The following RBFOX1 variants were observed in gnomAD, a reference collection of about 807,000 sequenced individuals.
The protein encoded by RBFOX1 is RNA binding fox-1 homolog 1, also known as RNA binding protein fox-1 homolog 1.
RBFOX1 carries 8 observed loss-of-function variants against 57.7 expected under a neutral mutation model. That is an observed-to-expected ratio of 0.14 (90% CI 0.08 to 0.25). The LOEUF is 0.25. Among genes scored for constraint, RBFOX1 ranks in the 10% least tolerant of loss-of-function variants. RBFOX1 has a pLI of 1.00. For synonymous variants in RBFOX1, 326 were observed against 222.4 expected (o/e 1.47, Z -4.15); for missense variants, 611 against 548.5 (o/e 1.11, Z -1.14).
At chr16:6,989,102 G>T (rs1027401880) in intron 3 of RBFOX1, among the ~76,000 whole-genome samples, 3 of 152,034 alleles carry the variant, frequency 2.0e-5, no homozygotes, top group African/African-American at 7.2e-5. Context: ...TCGCCATGTT[G>T]GGCAGGTTGG....
At chr16:5,562,490 A>C (rs1185457121) in intron 2 of RBFOX1, among the ~76,000 whole-genome samples, 1 of 145,668 alleles carries the variant, frequency 6.9e-6, no homozygotes, top group Non-Finnish European at 1.5e-5. Context: ...CTCCAGGGCC[A>C]GGAGGAGAAG....
At chr16:7,152,037 T>C (rs1019417712) in intron 4 of RBFOX1, among the ~76,000 whole-genome samples, 6 of 152,202 alleles carry the variant, frequency 3.9e-5, no homozygotes, top group Admixed American at 3.9e-4. Flanking sequence ...CTGAGGTTTA[T>C]GGACCCCTGC....
chr16:7,662,048 T>C lies in RBFOX1; in HGVS notation c.891-2881T>C, dbSNP rs534606779. ...CTTAATGAAAGAAGGGATCAGTTTC[T>C]TGGCCAGAGCTCAGCCTCAGCCATA... On this transcript the variant is annotated intron_variant, in intron 12 of 15. Coordinates refer to ENST00000550418, the MANE Select transcript of RBFOX1 (RefSeq NM_018723.4). 2.2e-4 allele frequency among the ~76,000 whole-genome samples: 33 copies of C among 152,270 alleles called. No homozygotes were observed. The South Asian group carries it at 6.0e-3, about 28-fold the overall frequency.
intron 4 of RBFOX1, among the ~76,000 whole-genome samples, chr16:5,987,216 G>T (rs2152315903): frequency 6.6e-6 from 1 of 152,090 alleles, no homozygotes; most frequent in East Asian, 1.9e-4. Flanking sequence ...CTGTCTAATT[G>T]GATTGGTTTT....
intron 3 of RBFOX1, among the ~76,000 whole-genome samples, chr16:6,724,123 A>G (rs1298701762): frequency 6.6e-6 from 1 of 151,982 alleles, no homozygotes; most frequent in African/African-American, 2.4e-5. Context: ...GACTTCATGA[A>G]TGGGATTAGT....
chr16:6,881,697 T>C lies in RBFOX1; in HGVS notation c.-15-170360T>C, dbSNP rs1483831815. ...GTTGGCAGTTAAGACTTCAACGTCTTAACGTTGAATTTGCGGGGACAATTT... is the reference window on the plus strand; with the variant it reads ...GTTGGCAGTTAAGACTTCAACGTCTCAACGTTGAATTTGCGGGGACAATTT... On this transcript the variant is annotated intron_variant, in intron 3 of 15. Transcript: ENST00000550418. Among the ~76,000 whole-genome samples the C allele has an allele frequency of 3.3e-5, 5 of 152,172 alleles. No homozygotes were observed. In the East Asian group the frequency reaches 9.6e-4, roughly 29 times the overall value.
At position 5,359,394 on chromosome 16, in the gene RBFOX1, G is replaced by C. The variant is rs552219295; in HGVS notation, c.220-107822G>C. On this transcript the variant is annotated intron_variant, in intron 1 of 2. Coordinates refer to the RBFOX1 transcript ENST00000585867. ...TAGTTTTCTGAGGAGCCTCCAAACTGTTCTCCTCAGTGGTTTTCTAATTTA... is the reference window on the plus strand; with the variant it reads ...TAGTTTTCTGAGGAGCCTCCAAACTCTTCTCCTCAGTGGTTTTCTAATTTA... Among the ~76,000 whole-genome samples, 68 of 152,324 alleles carry C rather than the reference G, an allele frequency of 4.5e-4. 1 individual carries two copies. The South Asian group carries it at 7.5e-3, about 17-fold the overall frequency.
At chr16:6,379,342 C>G (rs374422073) in intron 2 of RBFOX1, among the ~76,000 whole-genome samples, 2 of 152,100 alleles carry the variant, frequency 1.3e-5, no homozygotes, top group African/African-American at 4.8e-5. Context: ...AGGATGGCCA[C>G]ACATCCCAGT....
At chr16:5,941,099 C>G (rs999868015) in intron 4 of RBFOX1, among the ~76,000 whole-genome samples, 12 of 151,768 alleles carry the variant, frequency 7.9e-5, no homozygotes, top group Non-Finnish European at 1.5e-5. Context: ...ACACCCATCC[C>G]CAGTAAAGTA....
chr16:7,407,373 G>GGT (rs77358035), intron 4 of RBFOX1, among the ~76,000 whole-genome samples: 2,651 of 149,606 alleles, frequency 0.018, 36 homozygotes, highest in African/African-American at 0.031. Flanking sequence ...GATTTGTATG[G>GGT]GTGTGTGTGT....
chr16:7,455,995 C>T (rs996451236), intron 4 of RBFOX1, among the ~76,000 whole-genome samples: 1 of 151,966 alleles, frequency 6.6e-6, no homozygotes, highest in African/African-American at 2.4e-5. Flanking sequence ...AGGGCAGGGC[C>T]AGCTTTAAGG....
intron 1 of RBFOX1, chr16:5,366,316 A>ATGATGATGATTT: frequency 2.8e-6 from 1 of 361,818 alleles, no homozygotes; most frequent in East Asian, 7.2e-5. Flanking sequence ...GATGAAGATG[A>ATGATGATGATTT]TGATGATGAT....
chr16:5,439,794 G>A (rs572283209), intron 1 of RBFOX1, among the ~76,000 whole-genome samples: 1 of 152,232 alleles, frequency 6.6e-6, no homozygotes, highest in East Asian at 1.9e-4. Context: ...GGAGGCCTCA[G>A]GAAACTTACA....
At chr16:7,468,883 A>C (rs2150841036) in intron 4 of RBFOX1, among the ~76,000 whole-genome samples, 1 of 152,058 alleles carries the variant, frequency 6.6e-6, no homozygotes, top group African/African-American at 2.4e-5. Context: ...GTCCCGTCCA[A>C]ATGACCTGAT....
chr16:5,954,893 A>G (rs1365738789), intron 4 of RBFOX1, among the ~76,000 whole-genome samples: 1 of 151,870 alleles, frequency 6.6e-6, no homozygotes, highest in Admixed American at 6.6e-5. Context: ...AATTTAGGCA[A>G]GGGTCTCACT....
At chr16:5,777,653 C>G (rs1350754898) in intron 3 of RBFOX1, among the ~76,000 whole-genome samples, 2 of 152,168 alleles carry the variant, frequency 1.3e-5, no homozygotes, top group African/African-American at 4.8e-5. Flanking sequence ...AATGCTAGTA[C>G]AACCAAATAG....
At chr16:7,190,265 A>G (rs2085044312) in intron 4 of RBFOX1, among the ~76,000 whole-genome samples, 1 of 152,182 alleles carries the variant, frequency 6.6e-6, no homozygotes, top group African/African-American at 2.4e-5. Context: ...AGGCTGAGGC[A>G]GGAGAATCAC....
chr16:6,667,248 A>G (rs886727167), intron 3 of RBFOX1, among the ~76,000 whole-genome samples: 8 of 152,132 alleles, frequency 5.3e-5, no homozygotes, highest in East Asian at 1.9e-4. Flanking sequence ...CAGCAGTGCC[A>G]TGGACACAGT....
intron 4 of RBFOX1, among the ~76,000 whole-genome samples, chr16:5,956,444 T>C (rs1451918110): frequency 6.6e-6 from 1 of 151,422 alleles, no homozygotes; most frequent in Non-Finnish European, 1.5e-5. Flanking sequence ...CAACTCTAGA[T>C]GTGGGGAGAT....
Sources: allele counts gnomAD v4.1 joint callset (sites outside exome capture counted in the v4.1 genomes callset), GRCh38; gene constraint gnomAD v4.1.1; transcripts MANE v1.5; gene names NCBI Gene and HGNC (gene_info 2026-07-23, HGNC 2026-07-21).